The following SLC35B4 variants were observed in gnomAD, a reference collection of about 807,000 sequenced individuals.
SLC35B4 encodes the protein solute carrier family 35 member B4, also known as nucleotide sugar transporter SLC35B4.
Under a neutral mutation model 39.5 loss-of-function variants are expected in SLC35B4, and 28 were observed. That is an observed-to-expected ratio of 0.71 (90% CI 0.53 to 0.97). SLC35B4 has a LOEUF of 0.97. SLC35B4 is among the 50% of genes least tolerant of loss of function. The probability of loss-of-function intolerance (pLI) is 0.00; values close to 1 mark genes in which losing one functional copy is unlikely to be tolerated. For missense variants in SLC35B4, 334 were observed against 414.3 expected, an observed-to-expected ratio of 0.81 and a Z score of 1.68; for synonymous variants, 145 against 150.4, an observed-to-expected ratio of 0.96 and a Z score of 0.26.
intron 8 of SLC35B4, among the ~76,000 whole-genome samples, chr7:134,299,014 GA>G: frequency 6.6e-6 from 1 of 152,338 alleles, no homozygotes; most frequent in South Asian, 2.1e-4. Flanking sequence ...CTAGACGCTT[GA>G]AACTAATTTT....
rs1295927479 is a variant in SLC35B4 at position 134,290,446 on chromosome 7, C to T, written c.*4387G>A. 1 of 152,168 alleles carries T rather than the reference C, an allele frequency of 6.6e-6. No homozygotes were observed. The highest frequency in any genetic ancestry group is 2.4e-5 in the African/African-American group (1 of 41,424). 9.4% of individuals were successfully genotyped at this position (152,168 alleles called of 1,614,324 possible). On this transcript the variant is annotated 3_prime_UTR_variant, in exon 10 of 10. Coordinates refer to ENST00000378509, the MANE Select transcript of SLC35B4 (RefSeq NM_032826.5). ...ATTTATTCACATAACATAAGCCAGA[C>T]ACTATGCCAGGGGCTGGCGATACAG...
At chr7:134,297,387 A>C (rs1480965812) in intron 8 of SLC35B4, among the ~76,000 whole-genome samples, 1 of 152,238 alleles carries the variant, frequency 6.6e-6, no homozygotes, top group African/African-American at 2.4e-5. Flanking sequence ...AATTAATCCT[A>C]GTTTAATTCA....
At chr7:134,307,500 T>C (rs1005893343) in intron 2 of SLC35B4, among the ~76,000 whole-genome samples, 1 of 152,212 alleles carries the variant, frequency 6.6e-6, no homozygotes, top group South Asian at 2.1e-4. Context: ...CCAAACCATA[T>C]AAAATTGCCG....
rs1803598563 is a variant in SLC35B4, at chr7:134,302,204, C to G, written c.345-94G>C. Reference sequence around the variant, plus strand: ...TACAGTCAGATGGTGCATGAAAGTACAAATCACTAAAGTATGACAGACAGG... The same window carrying G: ...TACAGTCAGATGGTGCATGAAAGTAGAAATCACTAAAGTATGACAGACAGG... On this transcript the variant is annotated intron_variant, in intron 4 of 9. Coordinates refer to ENST00000378509, the MANE Select transcript of SLC35B4 (RefSeq NM_032826.5). 3.4e-5 allele frequency: 34 copies of G among 1,014,188 alleles called. No individual in the cohort carries two copies. The South Asian group carries it at 5.0e-4, about 15-fold the overall frequency. 62.8% of individuals were successfully genotyped at this position (1,014,188 alleles called of 1,614,324 possible).
At position 134,299,879 on chromosome 7, in the gene SLC35B4, A is replaced by G. The variant is rs913858478; in HGVS notation, c.597+273T>C. Among the ~76,000 whole-genome samples, 7 of 152,214 alleles carry G rather than the reference A, an allele frequency of 4.6e-5. No homozygotes were observed. The East Asian group carries it at 9.6e-4, about 21-fold the overall frequency. ...TCCTTTCCTCAACAACAGGGAATGG[A>G]GAAATTTAAACATATAGTCTTTCTG... On this transcript the variant is annotated intron_variant, in intron 7 of 9. Coordinates refer to ENST00000378509, the MANE Select transcript of SLC35B4 (RefSeq NM_032826.5).
chr7:134,296,498 T>C (rs1803469588), intron 8 of SLC35B4, 32 bp from the exon 9 acceptor site: 1 of 1,559,918 alleles, frequency 6.4e-7, no homozygotes, highest in African/African-American at 1.3e-5. Context: ...ATAGCCATAT[T>C]GCTTTTTCAC....
In SLC35B4 at chr7:134,309,490, A is replaced by C; in HGVS notation, c.78-11T>G. On this transcript the variant is annotated splice_polypyrimidine_tract_variant and intron_variant, in intron 1 of 9. Transcript: ENST00000378509. ...CATCCTGGATGCTTCCTGTATAGTG[A>C]ATAATAAAAGAGGGGGTGAAGGCAC... is the stretch of plus-strand genomic sequence containing the variant. 6.3e-7 allele frequency: 1 copy of C among 1,592,666 alleles called. No individual in the cohort carries two copies. The highest frequency in any genetic ancestry group is 1.1e-5 in the South Asian group (1 of 89,628).
At chr7:134,295,120 T>A in intron 9 of SLC35B4, 41 bp from the exon 10 acceptor site, 1 of 1,600,772 alleles carries the variant, frequency 6.2e-7, no homozygotes. Context: ...TAGACTGTAC[T>A]TGGGGGATCA....
chr7:134,310,056 T>C lies in SLC35B4; in HGVS notation c.78-577A>G, dbSNP rs546033380. Among the ~76,000 whole-genome samples, 213 of 152,292 alleles carry C rather than the reference T, an allele frequency of 1.4e-3. 1 individual carries two copies. The highest frequency in any genetic ancestry group is 4.9e-3 in the African/African-American group (202 of 41,570). The stretch of plus-strand genomic sequence containing the variant: ...TCTTACTCTTTTTATAACAATAAAG[T>C]ACAAATATACATACAGTACCTGAAC... On this transcript the variant is annotated intron_variant, in intron 1 of 9. Coordinates refer to ENST00000378509, the MANE Select transcript of SLC35B4 (RefSeq NM_032826.5).
intron 2 of SLC35B4, among the ~76,000 whole-genome samples, chr7:134,308,816 T>G (rs1051189788): frequency 1.3e-5 from 2 of 152,218 alleles, no homozygotes; most frequent in Non-Finnish European, 2.9e-5. Context: ...TTATGCACAT[T>G]TGGACTAATG....
At chr7:134,310,546 CTT>C (rs1275292627) in intron 1 of SLC35B4, among the ~76,000 whole-genome samples, 26 of 140,740 alleles carry the variant, frequency 1.8e-4, no homozygotes, top group Admixed American at 2.1e-4. Context: ...GTGTTTTCAT[CTT>C]TTTTTTTTTT....
rs760503782 is a variant in SLC35B4, at chr7:134,299,550, C to T, written c.646G>A (p.Asp216Asn). ...GFVFLASDIY[D>N]HAVLFNKSEL... ...GACTTATTGAATAGAACTGCATGGT[C>T]ATAAATATCAGAAGCCAAGAAGACG... The change falls in exon 8 of 10, where the codon GAC (aspartate) becomes AAC (asparagine). Residue 216 changes from aspartate (D) to asparagine (N), a missense_variant. Coordinates refer to ENST00000378509, the MANE Select transcript of SLC35B4 (RefSeq NM_032826.5). 6 of 1,613,778 alleles carry T rather than the reference C, an allele frequency of 3.7e-6. No homozygotes were observed. The highest frequency in any genetic ancestry group is 5.1e-6 in the Non-Finnish European group (6 of 1,179,926).
At chr7:134,316,504 G>A (rs2117329029) in intron 1 of SLC35B4, among the ~76,000 whole-genome samples, 171 bp downstream of exon 1, 1 of 152,350 alleles carries the variant, frequency 6.6e-6, no homozygotes, top group South Asian at 2.1e-4. Flanking sequence ...ACTCAGCGGG[G>A]TCCCAGGCTG....
intron 1 of SLC35B4, among the ~76,000 whole-genome samples, chr7:134,310,337 CAA>C (rs1208317250): frequency 6.6e-6 from 1 of 152,074 alleles, no homozygotes. Context: ...AACAAATTTA[CAA>C]AGTTAAAAAC....
At chr7:134,295,200 C>G in intron 9 of SLC35B4, 121 bp from the exon 10 acceptor site, 1 of 1,314,660 alleles carries the variant, frequency 7.6e-7, no homozygotes. Context: ...AGGTCCGCTA[C>G]GGCAGCTCTG....
At chr7:134,316,245 T>G (rs1384806207) in intron 1 of SLC35B4, among the ~76,000 whole-genome samples, 4 of 152,188 alleles carry the variant, frequency 2.6e-5, no homozygotes, top group African/African-American at 9.7e-5. Context: ...CTGTGCCATT[T>G]AACAGGATCG....
At chr7:134,316,960 C>T (rs1454215440), upstream of SLC35B4, 4 of 576,014 alleles carry the variant, frequency 6.9e-6, no homozygotes, top group Admixed American at 3.1e-5. Flanking sequence ...GCTTCGGTCC[C>T]ATTCATCCGA....
intron 3 of SLC35B4, among the ~76,000 whole-genome samples, chr7:134,305,080 G>A (rs1399851298): frequency 6.6e-6 from 1 of 152,184 alleles, no homozygotes; most frequent in Non-Finnish European, 1.5e-5. Context: ...CCAGCACTTT[G>A]AGAAGCCGAG....
At chr7:134,306,553 C>T in intron 3 of SLC35B4, 119 bp downstream of exon 3, 4 of 675,866 alleles carry the variant, frequency 5.9e-6, no homozygotes, top group Non-Finnish European at 9.5e-6. Flanking sequence ...CATTCACAAA[C>T]CTATTCTTCT....
Sources: gnomAD v4.1 joint callset for allele counts (sites outside exome capture counted in the v4.1 genomes callset) on GRCh38, gnomAD v4.1.1 for gene constraint, MANE v1.5 for transcripts, NCBI Gene and HGNC (gene_info 2026-07-23, HGNC 2026-07-21) for gene names.